The following BBX variants were observed in gnomAD, a reference collection of about 807,000 sequenced individuals.
BBX encodes BBX high mobility group box domain containing.
Under a neutral mutation model 100.2 loss-of-function variants are expected in BBX, and 30 were observed. The ratio of observed to expected loss-of-function variants is 0.30; its 90% CI spans 0.22 to 0.41. The LOEUF (loss-of-function observed/expected upper bound fraction) is 0.41, where lower values mean the gene tolerates loss of function less well. BBX is among the 10% of genes least tolerant of loss of function. The pLI is 1.00. For synonymous variants in BBX, 376 were observed against 388.1 expected, an observed-to-expected ratio of 0.97 and a Z score of 0.37; for missense variants, 1,023 against 1,129.8, an observed-to-expected ratio of 0.91 and a Z score of 1.35.
At chr3:107,765,709 T>G (rs2066335252) in intron 10 of BBX, among the ~76,000 whole-genome samples, 8 of 152,170 alleles carry the variant, frequency 5.3e-5, no homozygotes, top group Admixed American at 5.2e-4. Flanking sequence ...CTGCCTTTCC[T>G]CAGCTCCTGT....
chr3:107,790,162 GTCT>G (rs1193334556), intron 14 of BBX, among the ~76,000 whole-genome samples: 2 of 152,106 alleles, frequency 1.3e-5, no homozygotes, highest in African/African-American at 2.4e-5. Flanking sequence ...TTGCAATTCA[GTCT>G]TCTTGACCAC....
chr3:107,598,480 G>C (rs1411473542), intron 2 of BBX, among the ~76,000 whole-genome samples: 1 of 152,118 alleles, frequency 6.6e-6, no homozygotes, highest in Non-Finnish European at 1.5e-5. Flanking sequence ...GCTTAATATA[G>C]GGAACTACTT....
chr3:107,553,905 T>A (rs1054615474), intron 2 of BBX, among the ~76,000 whole-genome samples: 3 of 152,242 alleles, frequency 2.0e-5, no homozygotes, highest in African/African-American at 7.2e-5. Context: ...GTGGACTATG[T>A]TCTTTCAGGA....
At chr3:107,621,967 C>G (rs535851504) in intron 2 of BBX, among the ~76,000 whole-genome samples, 1 of 152,228 alleles carries the variant, frequency 6.6e-6, no homozygotes, top group Non-Finnish European at 1.5e-5. Flanking sequence ...AGCAGTAATA[C>G]TGGCTTTTTG....
At chr3:107,800,948 TG>T in intron 16 of BBX, 146 bp from the exon 17 acceptor site, 1 of 758,594 alleles carries the variant, frequency 1.3e-6, no homozygotes, top group Non-Finnish European at 2.1e-6. Context: ...GAAGAGATTC[TG>T]TAAAAGCCTT....
intron 12 of BBX, among the ~76,000 whole-genome samples, chr3:107,776,698 T>C (rs529259964): frequency 1.2e-4 from 18 of 152,188 alleles, no homozygotes; most frequent in Non-Finnish European, 2.5e-4. Flanking sequence ...TAGACTTCTC[T>C]AAGAAAAACA....
intron 9 of BBX, among the ~76,000 whole-genome samples, chr3:107,752,304 A>C (rs1417561176): frequency 6.6e-6 from 1 of 152,204 alleles, no homozygotes; most frequent in Non-Finnish European, 1.5e-5. Flanking sequence ...TCAGTTTGTT[A>C]CACTATATTA....
rs745968551 is a variant in BBX at position 107,716,694 on chromosome 3, A to T, written c.250A>T (p.Met84Leu). The stretch of plus-strand genomic sequence containing the variant: ...ACCAGAGCAGCGAGCCCGGAGACCA[A>T]TGAATGCATTTCTTTTATTTTGCAA... ...ESPEQRARRPMNAFLLFCKRH... is the reference protein window; with the variant it reads ...ESPEQRARRPLNAFLLFCKRH... Residue 84 changes from methionine to leucine, a missense_variant, in exon 5 of 18, where the codon ATG (methionine) becomes TTG (leucine). Coordinates refer to ENST00000325805, the MANE Select transcript of BBX (RefSeq NM_001142568.3). The T allele has an allele frequency of 6.2e-7, 1 of 1,613,758 alleles. No homozygotes were observed.
At chr3:107,671,852 A>T (rs567939574) in intron 3 of BBX, among the ~76,000 whole-genome samples, 1 of 152,182 alleles carries the variant, frequency 6.6e-6, no homozygotes, top group East Asian at 1.9e-4. Flanking sequence ...TGACCACACG[A>T]ATGCAGCCTA....
At chr3:107,742,024 C>T (rs991231358) in intron 7 of BBX, among the ~76,000 whole-genome samples, 1 of 152,082 alleles carries the variant, frequency 6.6e-6, no homozygotes, top group Admixed American at 6.6e-5. Flanking sequence ...TTTAGATCCC[C>T]AGAAGAAATA....
chr3:107,653,580 G>A (rs1370002076), intron 3 of BBX, among the ~76,000 whole-genome samples: 2 of 152,138 alleles, frequency 1.3e-5, no homozygotes, highest in Non-Finnish European at 1.5e-5. Flanking sequence ...TGTATAACCT[G>A]CTTAATTTGC....
At chr3:107,702,810 A>G (rs556505720) in intron 3 of BBX, among the ~76,000 whole-genome samples, 1 of 152,280 alleles carries the variant, frequency 6.6e-6, no homozygotes, top group South Asian at 2.1e-4. Flanking sequence ...TTAGAAATGG[A>G]TGTTCAGAGA....
chr3:107,711,199 A>G, intron 4 of BBX: 1 of 394,250 alleles, frequency 2.5e-6, no homozygotes, highest in Non-Finnish European at 5.2e-6. Context: ...TCAAAGTCAA[A>G]AGATTTTCTT....
At chr3:107,572,370 A>G (rs1376726542) in intron 2 of BBX, among the ~76,000 whole-genome samples, 1 of 152,116 alleles carries the variant, frequency 6.6e-6, no homozygotes, top group Admixed American at 6.5e-5. Flanking sequence ...TCTTGAGACA[A>G]CTGGTATGTG....
At chr3:107,715,809 A>C (rs1162079047) in intron 4 of BBX, among the ~76,000 whole-genome samples, 1 of 152,234 alleles carries the variant, frequency 6.6e-6, no homozygotes, top group South Asian at 2.1e-4. Context: ...GCTTTGTAGA[A>C]GTCCTCGAAG....
intron 3 of BBX, among the ~76,000 whole-genome samples, chr3:107,700,544 C>G (rs186419512): frequency 5.3e-5 from 8 of 149,636 alleles, no homozygotes; most frequent in Admixed American, 4.7e-4. Flanking sequence ...CCCATTAACT[C>G]GTCATTTAGC....
intron 17 of BBX, among the ~76,000 whole-genome samples, chr3:107,802,184 G>A (rs768790053): frequency 5.3e-5 from 8 of 152,224 alleles, no homozygotes; most frequent in Non-Finnish European, 1.0e-4. Context: ...TCAGTCTTCA[G>A]TACAAAAGAG....
rs575390936 is a variant in BBX at position 107,538,493 on chromosome 3, C to T, written c.-84+12095C>T. Among the ~76,000 whole-genome samples, 3 of 152,026 alleles carry T rather than the reference C, an allele frequency of 2.0e-5. No homozygotes were observed. The South Asian group carries it at 6.2e-4, about 32-fold the overall frequency. On this transcript the variant is annotated intron_variant, in intron 2 of 17. Coordinates refer to ENST00000325805, the MANE Select transcript of BBX (RefSeq NM_001142568.3). ...TAGATGGCTTTTAAGTCTAGTATAT[C>T]CTTAAGAATTAGGATGATCGATACT...
intron 2 of BBX, among the ~76,000 whole-genome samples, chr3:107,534,979 G>A (rs890183528): frequency 6.6e-6 from 1 of 152,132 alleles, no homozygotes; most frequent in Admixed American, 6.5e-5. Flanking sequence ...GCCTTATGAG[G>A]CCCAGTTTTG....
Sources: allele counts gnomAD v4.1 joint callset (sites outside exome capture counted in the v4.1 genomes callset), GRCh38; gene constraint gnomAD v4.1.1; transcripts MANE v1.5; gene names NCBI Gene and HGNC (gene_info 2026-07-23, HGNC 2026-07-21).